Variants in CLNK observed in about 807,000 individuals in gnomAD.
CLNK encodes cytokine dependent hematopoietic cell linker.
A neutral mutation model predicts 68.6 loss-of-function variants in CLNK; 74 were observed. That is an observed-to-expected ratio of 1.08 (90% CI 0.89 to 1.31). The LOEUF is 1.31. Among genes scored for constraint, CLNK ranks in the 50% most tolerant of loss-of-function variants. The probability of loss-of-function intolerance (pLI) is 0.00; values close to 1 mark genes in which losing one functional copy is unlikely to be tolerated. For missense variants in CLNK, 553 were observed against 515.3 expected (o/e 1.07, Z -0.71); for synonymous variants, 198 against 172.2 (o/e 1.15, Z -1.17).
chr4:10,646,102 G>A (rs1723500891), intron 2 of CLNK, among the ~76,000 whole-genome samples: 1 of 152,182 alleles, frequency 6.6e-6, no homozygotes, highest in African/African-American at 2.4e-5. Context: ...TGGTGGGTGA[G>A]CAAGTTATGG....
At chr4:10,542,605 G>A (rs1430741839) in intron 8 of CLNK, among the ~76,000 whole-genome samples, 4 of 151,236 alleles carry the variant, frequency 2.6e-5, no homozygotes, top group East Asian at 1.9e-4. Flanking sequence ...TTGAAACCAC[G>A]GATTCCTGTT....
chr4:10,689,745 A>ATTTTTTTTTTTT (rs71651341), upstream of CLNK, among the ~76,000 whole-genome samples: 6,383 of 99,668 alleles, frequency 0.064, 656 homozygotes, highest in Non-Finnish European at 0.084. Context: ...AAACCCATGC[A>ATTTTTTTTTTTT]TTTTTTTTTT....
upstream of CLNK, among the ~76,000 whole-genome samples, chr4:10,689,745 A>ATTTTTTTTTTTTTTTTTT (rs71651341): frequency 6.0e-3 from 603 of 99,996 alleles, 67 homozygotes; most frequent in Non-Finnish European, 8.1e-3. Context: ...AAACCCATGC[A>ATTTTTTTTTTTTTTTTTT]TTTTTTTTTT....
rs1464948705 is a variant in CLNK at position 10,564,722 on chromosome 4, G to C, written c.348C>G (p.Thr116=). The part of the protein sequence containing the change: ...MDTPLPLDTR[T]SISIGQPTWN... Reference sequence around the variant, plus strand: ...AGGTCGGCTGTCCAATGGAGATAGAGGTCCTGGTGTCTAACGGAAGGGGAG... The same window carrying C: ...AGGTCGGCTGTCCAATGGAGATAGACGTCCTGGTGTCTAACGGAAGGGGAG... The change falls in exon 7 of 19, where the codon ACC becomes ACG. Residue 116 remains threonine, a synonymous_variant. Transcript: ENST00000226951. 7.4e-6 allele frequency: 12 copies of C among 1,613,714 alleles called. No individual in the cohort carries two copies. Among genetic ancestry groups the C allele is most frequent in the Non-Finnish European group, 9.3e-6 (11 of 1,179,758 alleles).
intron 3 of CLNK, among the ~76,000 whole-genome samples, chr4:10,589,486 G>T (rs940069659): frequency 2.6e-5 from 4 of 152,204 alleles, no homozygotes; most frequent in African/African-American, 7.2e-5. Flanking sequence ...TGCACCCTGG[G>T]GCTCTCCGTG....
chr4:10,501,449 G>T, intron 17 of CLNK, 38 bp from the exon 18 acceptor site: 1 of 1,588,000 alleles, frequency 6.3e-7, no homozygotes, highest in Non-Finnish European at 8.5e-7. Context: ...TTTCAGACAC[G>T]CCAGCATTCT....
intron 2 of CLNK, among the ~76,000 whole-genome samples, chr4:10,653,195 TG>T (rs1723823658): frequency 6.6e-6 from 1 of 151,408 alleles, no homozygotes; most frequent in Admixed American, 6.6e-5. Flanking sequence ...TGTCAGGAGA[TG>T]GGGGGCTAGG....
chr4:10,685,863 C>A (rs1401145962), upstream of CLNK, among the ~76,000 whole-genome samples: 2 of 152,168 alleles, frequency 1.3e-5, no homozygotes, highest in African/African-American at 4.8e-5. Flanking sequence ...AGTAGTTTAA[C>A]CACTTTATTA....
chr4:10,525,219 C>T (rs1182279945), intron 14 of CLNK, among the ~76,000 whole-genome samples: 11 of 152,176 alleles, frequency 7.2e-5, no homozygotes, highest in Admixed American at 6.5e-4. Context: ...CACCCGCCAC[C>T]ACACTCGGCT....
intron 8 of CLNK, among the ~76,000 whole-genome samples, chr4:10,557,725 G>A (rs1056639099): frequency 2.0e-5 from 3 of 152,160 alleles, no homozygotes; most frequent in African/African-American, 7.2e-5. Context: ...TCCCATTAAA[G>A]AAAAGATGGC....
intron 15 of CLNK, among the ~76,000 whole-genome samples, chr4:10,515,989 G>A (rs770676733): frequency 1.3e-5 from 2 of 152,112 alleles, no homozygotes; most frequent in Non-Finnish European, 2.9e-5. Flanking sequence ...AAATGTTAAT[G>A]TGGTATTTTC....
the CLNK span, among the ~76,000 whole-genome samples, chr4:10,692,495 G>A: frequency 1.3e-5 from 2 of 152,152 alleles, no homozygotes; most frequent in African/African-American, 2.4e-5. Flanking sequence ...GTTTTGAGTG[G>A]CAACGTGGCT....
intron 8 of CLNK, among the ~76,000 whole-genome samples, chr4:10,555,711 A>G (rs915781902): frequency 1.1e-4 from 17 of 152,222 alleles, no homozygotes; most frequent in African/African-American, 3.6e-4. Flanking sequence ...GAACCAACCA[A>G]TATGTTTTAT....
rs776762622 is a variant in CLNK, at chr4:10,501,393, G to A, written c.1003C>T (p.Arg335Ter). 2.7e-5 allele frequency: 44 copies of A among 1,609,352 alleles called. No individual in the cohort carries two copies. The African/African-American group carries it at 2.8e-4, about 10-fold the overall frequency. ...TCCTTGGATTTTGTGGAACAATCTCGGACCAAGAAACTACCATCCTGAAGC... is the reference window on the plus strand; with the variant it reads ...TCCTTGGATTTTGTGGAACAATCTCAGACCAAGAAACTACCATCCTGAAGC... ...KENKDGSFLV[R>*]DCSTKSKEEP... The change falls in exon 18 of 19, where the codon CGA becomes TGA. Residue 335 changes from arginine (R) to a stop codon, truncating the protein, a stop_gained. Coordinates refer to ENST00000226951, the MANE Select transcript of CLNK (RefSeq NM_052964.4). LOFTEE classifies it high-confidence loss of function.
intron 2 of CLNK, among the ~76,000 whole-genome samples, chr4:10,629,293 T>A (rs1722796391): frequency 6.6e-6 from 1 of 152,198 alleles, no homozygotes. Flanking sequence ...AAATTTTCCC[T>A]TTGCACCTAT....
At chr4:10,500,437 T>C (rs1716991634) in intron 18 of CLNK, among the ~76,000 whole-genome samples, 1 of 152,208 alleles carries the variant, frequency 6.6e-6, no homozygotes, top group African/African-American at 2.4e-5. Context: ...TCCCAGCACT[T>C]TGGGAGGCCA....
chr4:10,652,179 G>C (rs968500991), intron 2 of CLNK, among the ~76,000 whole-genome samples: 2 of 151,838 alleles, frequency 1.3e-5, no homozygotes, highest in African/African-American at 4.8e-5. Context: ...TTAGGAGTTT[G>C]AGGCCAGCCT....
At chr4:10,500,138 T>C (rs1282336567) in intron 18 of CLNK, among the ~76,000 whole-genome samples, 2 of 152,152 alleles carry the variant, frequency 1.3e-5, no homozygotes, top group African/African-American at 4.8e-5. Flanking sequence ...TTTGAGGAAA[T>C]TGAAGCCCAG....
At chr4:10,573,498 A>G (rs1403559758) in intron 4 of CLNK, among the ~76,000 whole-genome samples, 1 of 152,048 alleles carries the variant, frequency 6.6e-6, no homozygotes, top group East Asian at 1.9e-4. Flanking sequence ...AGAAACCAAC[A>G]CGTTTTCCAG....
Sources: gnomAD v4.1 joint callset for allele counts (sites outside exome capture counted in the v4.1 genomes callset) on GRCh38, gnomAD v4.1.1 for gene constraint, MANE v1.5 for transcripts, NCBI Gene and HGNC (gene_info 2026-07-23, HGNC 2026-07-21) for gene names.